GALNTL6: variants seen among roughly 807,000 people sequenced by gnomAD.
The protein encoded by GALNTL6 is polypeptide N-acetylgalactosaminyltransferase like 6.
A neutral mutation model predicts 73.7 loss-of-function variants in GALNTL6; 46 were observed. The observed-to-expected ratio is 0.62, with a 90% confidence interval of 0.49 to 0.80. The LOEUF (loss-of-function observed/expected upper bound fraction) is 0.80, where lower values mean the gene tolerates loss of function less well. Among genes scored for constraint, GALNTL6 ranks in the 30% least tolerant of loss-of-function variants. GALNTL6 has a pLI of 0.00. For synonymous variants in GALNTL6, 259 were observed against 263.7 expected (o/e 0.98, Z 0.17); for missense variants, 604 against 755.0 (o/e 0.80, Z 2.34).
At chr4:172,810,369 C>A (rs185884957) in intron 6 of GALNTL6, among the ~76,000 whole-genome samples, 1 of 152,134 alleles carries the variant, frequency 6.6e-6, no homozygotes, top group Admixed American at 6.5e-5. Flanking sequence ...AAATTGTCAG[C>A]TCGAAAACAA....
At chr4:172,934,671 G>T (rs1748517512) in intron 9 of GALNTL6, among the ~76,000 whole-genome samples, 1 of 152,166 alleles carries the variant, frequency 6.6e-6, no homozygotes. Context: ...TTGCCACAAG[G>T]AACAAGCAGC....
chr4:172,600,933 G>A (rs761540198), intron 5 of GALNTL6, among the ~76,000 whole-genome samples: 4 of 151,678 alleles, frequency 2.6e-5, no homozygotes, highest in Non-Finnish European at 5.9e-5. Context: ...AAACATAAAA[G>A]TGTGAAGAGG....
chr4:172,181,715 TTC>T (rs1384953407), intron 2 of GALNTL6, among the ~76,000 whole-genome samples: 4 of 150,886 alleles, frequency 2.7e-5, no homozygotes, highest in African/African-American at 4.9e-5. Flanking sequence ...GCCCCAAATC[TTC>T]TTTTTTTTTT....
At chr4:171,874,668 C>A (rs529390661) in intron 2 of GALNTL6, among the ~76,000 whole-genome samples, 5 of 152,092 alleles carry the variant, frequency 3.3e-5, no homozygotes, top group Non-Finnish European at 5.9e-5. Flanking sequence ...ACACTTGCAG[C>A]GGAAGTATTG....
intron 2 of GALNTL6, among the ~76,000 whole-genome samples, chr4:171,845,334 T>G (rs1198591522): frequency 6.6e-6 from 1 of 152,202 alleles, no homozygotes; most frequent in Non-Finnish European, 1.5e-5. Context: ...ATATGAGTTC[T>G]GGACCGAAAG....
intron 5 of GALNTL6, among the ~76,000 whole-genome samples, chr4:172,617,442 C>CTTTATTTA (rs1206169147): frequency 6.7e-6 from 1 of 149,438 alleles, no homozygotes; most frequent in Admixed American, 6.7e-5. Flanking sequence ...TGCATGTTAA[C>CTTTATTTA]TTTATTTATT....
At chr4:172,521,981 CA>C (rs1734788990) in intron 5 of GALNTL6, among the ~76,000 whole-genome samples, 1 of 152,114 alleles carries the variant, frequency 6.6e-6, no homozygotes, top group Admixed American at 6.5e-5. Flanking sequence ...AATATCCCCC[CA>C]AAAGGACTGA....
rs1401921011 is a variant in GALNTL6, at chr4:172,952,216, A to C, written c.1329A>C (p.Lys443Asn). The stretch of plus-strand genomic sequence containing the variant: ...CTGCTGTGGCCTGGGACGTGCCTAA[A>C]TACTACCCTCCAGTGGAGCCCCCGC... Reference protein sequence around the residue: ...FMAAVAWDVPKYYPPVEPPPA... With the variant: ...FMAAVAWDVPNYYPPVEPPPA... The change falls in exon 10 of 13, where the codon AAA becomes AAC. Residue 443 changes from lysine to asparagine, a missense_variant. Lys to Asn is a moderately conservative substitution (Grantham distance 94). Coordinates refer to ENST00000506823, the MANE Select transcript of GALNTL6 (RefSeq NM_001034845.3). The C allele has an allele frequency of 8.1e-6, 13 of 1,613,916 alleles. No individual in the cohort carries two copies. The highest frequency in any genetic ancestry group is 1.1e-5 in the Non-Finnish European group (13 of 1,179,970).
chr4:172,849,472 T>C (rs1743695459), intron 7 of GALNTL6, among the ~76,000 whole-genome samples: 1 of 152,128 alleles, frequency 6.6e-6, no homozygotes, highest in Non-Finnish European at 1.5e-5. Flanking sequence ...TAGAATAGGC[T>C]CTCAAAAAAT....
chr4:172,799,895 C>G (rs963039130), intron 5 of GALNTL6, among the ~76,000 whole-genome samples: 1 of 152,148 alleles, frequency 6.6e-6, no homozygotes, highest in African/African-American at 2.4e-5. Flanking sequence ...AATGGATAAA[C>G]AACACGTGGT....
Position 172,790,381 on chromosome 4 carries a change from C to T in GALNTL6, c.554-18980C>T, listed in dbSNP as rs139453167. On this transcript the variant is annotated intron_variant, in intron 5 of 12. Coordinates refer to ENST00000506823, the MANE Select transcript of GALNTL6 (RefSeq NM_001034845.3). Reference sequence around the variant, plus strand: ...GGTCATACAGGTGGACCCCTAATCCCATAGGTGTCCTAGAAATTTTTCTCT... The same window carrying T: ...GGTCATACAGGTGGACCCCTAATCCTATAGGTGTCCTAGAAATTTTTCTCT... Among the ~76,000 whole-genome samples the T allele has an allele frequency of 1.2e-3, 190 of 152,252 alleles. 4 individuals are homozygous for T. Among genetic ancestry groups the T allele is most frequent in the African/African-American group, 4.4e-3 (183 of 41,550 alleles).
intron 5 of GALNTL6, among the ~76,000 whole-genome samples, chr4:172,605,152 A>G (rs1738206365): frequency 1.3e-5 from 2 of 152,186 alleles, no homozygotes; most frequent in South Asian, 2.1e-4. Context: ...AGTAACCTCA[A>G]TATCTGTGGG....
chr4:172,667,397 A>G (rs1208699124), intron 5 of GALNTL6: 1 of 152,226 alleles, frequency 6.6e-6, no homozygotes, highest in Non-Finnish European at 1.5e-5. Flanking sequence ...GTTAGCAGTT[A>G]AAGCAACACC....
intron 2 of GALNTL6, among the ~76,000 whole-genome samples, chr4:172,136,328 C>A (rs887809245): frequency 2.0e-5 from 3 of 151,758 alleles, no homozygotes; most frequent in African/African-American, 7.3e-5. Flanking sequence ...AAAAGAAAAA[C>A]CTTAAGTGAT....
rs564145255 is a variant in GALNTL6, at chr4:172,098,575, A to G, written c.139-131081A>G. 2.0e-5 allele frequency among the ~76,000 whole-genome samples: 3 copies of G among 152,280 alleles called. No individual in the cohort carries two copies. In the East Asian group the frequency reaches 5.8e-4, roughly 29 times the overall value. Reference sequence around the variant, plus strand: ...TCATTATGCAGCCAAATGGGAAACCACTATAGAAGGAGAATGGCGTGGTTG... The same window carrying G: ...TCATTATGCAGCCAAATGGGAAACCGCTATAGAAGGAGAATGGCGTGGTTG... On this transcript the variant is annotated intron_variant, in intron 2 of 12. Transcript: ENST00000506823.
At chr4:172,271,989 A>G (rs903935834) in intron 3 of GALNTL6, among the ~76,000 whole-genome samples, 6 of 151,746 alleles carry the variant, frequency 4.0e-5, no homozygotes, top group Non-Finnish European at 5.9e-5. Flanking sequence ...GTCTCACTCT[A>G]TTGCCCATGC....
intron 4 of GALNTL6, among the ~76,000 whole-genome samples, chr4:172,313,885 A>C (rs1192427855): frequency 6.6e-6 from 1 of 152,240 alleles, no homozygotes; most frequent in Non-Finnish European, 1.5e-5. Context: ...ACCAGGAATA[A>C]GGTTCACCTT....
At chr4:172,475,403 G>A (rs13146091) in intron 5 of GALNTL6, among the ~76,000 whole-genome samples, 19,933 of 151,464 alleles carry the variant, frequency 0.13, 1,707 homozygotes, top group Non-Finnish European at 0.2. Flanking sequence ...TAATTTTTCA[G>A]GTAGAACAAT....
chr4:172,494,592 C>T (rs932026006), intron 5 of GALNTL6, among the ~76,000 whole-genome samples: 3 of 152,148 alleles, frequency 2.0e-5, no homozygotes, highest in South Asian at 2.1e-4. Context: ...GGAAGCCAGT[C>T]CGAGTCCCAA....
Sources: gnomAD v4.1 joint callset for allele counts (sites outside exome capture counted in the v4.1 genomes callset) on GRCh38, gnomAD v4.1.1 for gene constraint, MANE v1.5 for transcripts, NCBI Gene and HGNC (gene_info 2026-07-23, HGNC 2026-07-21) for gene names.